ASIC2: variants seen among roughly 807,000 people sequenced by gnomAD.
The protein encoded by ASIC2 is acid sensing ion channel subunit 2.
Under a neutral mutation model 57.3 loss-of-function variants are expected in ASIC2, and 25 were observed. The observed-to-expected ratio is 0.44, with a 90% CI of 0.32 to 0.61. The LOEUF is 0.61. ASIC2 is among the 20% of genes least tolerant of loss of function. The pLI, the probability that ASIC2 is intolerant of heterozygous loss-of-function variation, is 0.06. For missense variants in ASIC2, 641 were observed against 738.1 expected (o/e 0.87, Z 1.52); for synonymous variants, 319 against 307.5 (o/e 1.04, Z -0.39).
intron 1 of ASIC2, among the ~76,000 whole-genome samples, chr17:33,176,523 G>A (rs140276943): frequency 6.6e-6 from 1 of 152,074 alleles, no homozygotes; most frequent in Non-Finnish European, 1.5e-5. Flanking sequence ...AACATTTTTT[G>A]TAGAGATGGG....
chr17:34,123,262 A>T (rs1598037757), intron 1 of ASIC2, among the ~76,000 whole-genome samples: 1 of 152,262 alleles, frequency 6.6e-6, no homozygotes, highest in East Asian at 1.9e-4. Context: ...TAGGCAGGGC[A>T]ACGAAATGAA....
intron 1 of ASIC2, among the ~76,000 whole-genome samples, chr17:33,582,607 A>G (rs535164129): frequency 5.9e-5 from 9 of 152,322 alleles, no homozygotes; most frequent in African/African-American, 2.2e-4. Flanking sequence ...AGGATTAACT[A>G]AAGGATGTAC....
At chr17:33,732,426 A>G (rs1040727158) in intron 1 of ASIC2, among the ~76,000 whole-genome samples, 31 of 151,644 alleles carry the variant, frequency 2.0e-4, no homozygotes, top group Admixed American at 2.0e-4. Context: ...CTCTTTATGT[A>G]TTGATAGAAA....
At chr17:33,281,876 T>G (rs561173888) in intron 1 of ASIC2, among the ~76,000 whole-genome samples, 1 of 152,334 alleles carries the variant, frequency 6.6e-6, no homozygotes, top group South Asian at 2.1e-4. Context: ...CTGGCAAAGC[T>G]GGGATTTGAA....
chr17:33,860,619 T>C (rs1165395505), intron 1 of ASIC2, among the ~76,000 whole-genome samples: 1 of 152,246 alleles, frequency 6.6e-6, no homozygotes, highest in Non-Finnish European at 1.5e-5. Flanking sequence ...GATTGGCAGC[T>C]AGGACCAGAA....
intron 1 of ASIC2, among the ~76,000 whole-genome samples, chr17:33,654,241 G>C (rs969569831): frequency 6.6e-6 from 1 of 152,216 alleles, no homozygotes; most frequent in Admixed American, 6.5e-5. Context: ...CATATCAAAA[G>C]AGCTCACTAG....
chr17:34,002,498 T>A (rs1311005931), intron 1 of ASIC2: 3 of 152,174 alleles, frequency 2.0e-5, no homozygotes, highest in Admixed American at 1.3e-4. Context: ...TTCTCAGAAG[T>A]CCGAATTAAA....
At chr17:33,424,043 C>T (rs1378365778) in intron 1 of ASIC2, among the ~76,000 whole-genome samples, 3 of 152,212 alleles carry the variant, frequency 2.0e-5, no homozygotes, top group African/African-American at 7.2e-5. Flanking sequence ...CTGCCACTCC[C>T]CTTCTACCCC....
intron 1 of ASIC2, among the ~76,000 whole-genome samples, chr17:33,206,653 G>A (rs1907072116): frequency 6.6e-6 from 1 of 152,162 alleles, no homozygotes; most frequent in South Asian, 2.1e-4. Context: ...CCAAGGCAGA[G>A]TATCCTTCCA....
chr17:33,866,763 A>T (rs1006867936), intron 1 of ASIC2, among the ~76,000 whole-genome samples: 3 of 152,168 alleles, frequency 2.0e-5, no homozygotes, highest in African/African-American at 7.2e-5. Flanking sequence ...TGGGGTCCAG[A>T]GATGCCATAG....
chr17:34,112,660 A>G (rs959341121), intron 1 of ASIC2, among the ~76,000 whole-genome samples: 24 of 152,138 alleles, frequency 1.6e-4, no homozygotes, highest in Non-Finnish European at 3.1e-4. Context: ...CAGCATGTGA[A>G]ACCAACCCTT....
At chr17:33,856,214 G>C (rs1031221762) in intron 1 of ASIC2, among the ~76,000 whole-genome samples, 1 of 152,144 alleles carries the variant, frequency 6.6e-6, no homozygotes, top group Non-Finnish European at 1.5e-5. Context: ...TAATCTTTCT[G>C]TCTCTTAGTT....
chr17:33,692,369 A>C (rs1363080485), intron 1 of ASIC2: 1 of 152,098 alleles, frequency 6.6e-6, no homozygotes, highest in Non-Finnish European at 1.5e-5. Context: ...CCTAGTTAAA[A>C]AAGCAACTCC....
intron 1 of ASIC2, chr17:34,118,865 G>A (rs1294694934): frequency 1.3e-5 from 2 of 152,316 alleles, no homozygotes; most frequent in Non-Finnish European, 2.9e-5. Context: ...GCAGCTTCAA[G>A]TGGCCTTGAG....
rs527631545 is a variant in ASIC2 at position 34,074,848 on chromosome 17, C to T, written c.555+81130G>A. ...CCACCCAGGCTGCAATGCAGTGACG[C>T]GATCTCGGCTCACCACAAACACCAT... On this transcript the variant is annotated intron_variant, in intron 1 of 9. Coordinates refer to the ASIC2 transcript ENST00000359872. 5.3e-4 allele frequency among the ~76,000 whole-genome samples: 78 copies of T among 146,750 alleles called. No homozygotes were observed. In the South Asian group the frequency reaches 5.8e-3, roughly 11 times the overall value.
At chr17:33,257,934 A>G (rs1909138306) in intron 1 of ASIC2, among the ~76,000 whole-genome samples, 2 of 152,204 alleles carry the variant, frequency 1.3e-5, no homozygotes, top group Admixed American at 1.3e-4. Context: ...ACATTATAAT[A>G]TTAGCTTCTA....
In ASIC2 at chr17:33,242,697, T is replaced by C. The variant is rs189076741; in HGVS notation, c.708+48711A>G. 4.6e-5 allele frequency among the ~76,000 whole-genome samples: 7 copies of C among 152,308 alleles called. No individual in the cohort carries two copies. The East Asian group carries it at 1.2e-3, about 25-fold the overall frequency. ...AGTTTTCAATTTACAAATTCCACTTTAGTGTATAATCGCCTCCATAAAACA... is the reference window on the plus strand; with the variant it reads ...AGTTTTCAATTTACAAATTCCACTTCAGTGTATAATCGCCTCCATAAAACA... On this transcript the variant is annotated intron_variant, in intron 1 of 9. Coordinates refer to ENST00000225823, the MANE Select transcript of ASIC2 (RefSeq NM_183377.2).
chr17:34,084,447 G>C (rs1187973779), intron 1 of ASIC2, among the ~76,000 whole-genome samples: 2 of 152,248 alleles, frequency 1.3e-5, no homozygotes, highest in African/African-American at 2.4e-5. Flanking sequence ...GGTTACTGTA[G>C]CCTTGTAGTA....
chr17:33,467,127 T>A (rs1349667477), intron 1 of ASIC2, among the ~76,000 whole-genome samples: 2 of 152,186 alleles, frequency 1.3e-5, no homozygotes, highest in Non-Finnish European at 2.9e-5. Context: ...TTTTAGTAGA[T>A]ACAGGGTTTT....
Sources: gnomAD v4.1 joint callset for allele counts (sites outside exome capture counted in the v4.1 genomes callset) on GRCh38, gnomAD v4.1.1 for gene constraint, MANE v1.5 for transcripts, NCBI Gene and HGNC (gene_info 2026-07-23, HGNC 2026-07-21) for gene names.